FHIT: variants seen among roughly 807,000 people sequenced by gnomAD.
FHIT encodes the protein fragile histidine triad diadenosine triphosphatase, also known as bis(5'-adenosyl)-triphosphatase.
Under a neutral mutation model 17.9 loss-of-function variants are expected in FHIT, and 19 were observed. The ratio of observed to expected loss-of-function variants is 1.06; its 90% confidence interval spans 0.74 to 1.56. The LOEUF is 1.56. Among genes scored for constraint, FHIT ranks in the 40% most tolerant of loss-of-function variants. The pLI, the probability that FHIT is intolerant of heterozygous loss-of-function variation, is 0.00. For synonymous variants in FHIT, 81 were observed against 69.7 expected (o/e 1.16, Z -0.81); for missense variants, 248 against 189.2 (o/e 1.31, Z -1.82).
chr3:60,090,421 T>A (rs1703681045), intron 5 of FHIT, among the ~76,000 whole-genome samples: 1 of 152,190 alleles, frequency 6.6e-6, no homozygotes, highest in Non-Finnish European at 1.5e-5. Flanking sequence ...GCCTGTTTGG[T>A]AGAAAGTCAG....
At chr3:60,603,439 T>A (rs1043086128) in intron 4 of FHIT, among the ~76,000 whole-genome samples, 3 of 152,140 alleles carry the variant, frequency 2.0e-5, no homozygotes, top group Non-Finnish European at 4.4e-5. Context: ...TTTTACTATC[T>A]TCCTATCTGT....
intron 5 of FHIT, among the ~76,000 whole-genome samples, chr3:60,265,758 G>A (rs1706542449): frequency 6.6e-6 from 1 of 151,702 alleles, no homozygotes; most frequent in Non-Finnish European, 1.5e-5. Flanking sequence ...TTTTTTAAAT[G>A]GGTAAAGGTT....
At chr3:61,120,192 T>C (rs2106918801) in intron 2 of FHIT, among the ~76,000 whole-genome samples, 1 of 152,276 alleles carries the variant, frequency 6.6e-6, no homozygotes, top group African/African-American at 2.4e-5. Context: ...ATAGGGTTAA[T>C]AGAGTGGTAA....
intron 7 of FHIT, among the ~76,000 whole-genome samples, chr3:59,967,139 C>A (rs572957828): frequency 6.6e-6 from 1 of 152,094 alleles, no homozygotes; most frequent in Admixed American, 6.6e-5. Context: ...TCTTGTCCCA[C>A]TGAAAGGCCT....
intron 2 of FHIT, among the ~76,000 whole-genome samples, chr3:61,173,898 T>G (rs570331243): frequency 9.2e-5 from 14 of 152,366 alleles, no homozygotes; most frequent in African/African-American, 2.9e-4. Context: ...TCATCCTGTT[T>G]GTTATCACTC....
At chr3:60,072,627 A>G (rs553901882) in intron 5 of FHIT, among the ~76,000 whole-genome samples, 33 of 151,728 alleles carry the variant, frequency 2.2e-4, no homozygotes, top group Non-Finnish European at 3.7e-4. Flanking sequence ...CTGAAACCTA[A>G]AAAAGTCAAG....
At chr3:60,719,549 T>C (rs1235219378) in intron 4 of FHIT, among the ~76,000 whole-genome samples, 1 of 152,142 alleles carries the variant, frequency 6.6e-6, no homozygotes, top group Non-Finnish European at 1.5e-5. Flanking sequence ...TGAAGTTATT[T>C]CTCTTCTCTA....
chr3:60,691,842 T>C (rs1189058527), intron 4 of FHIT, among the ~76,000 whole-genome samples: 1 of 152,206 alleles, frequency 6.6e-6, no homozygotes, highest in African/African-American at 2.4e-5. Context: ...CCTGATGCTG[T>C]TGAGGATGAC....
intron 5 of FHIT, among the ~76,000 whole-genome samples, chr3:60,453,041 A>T (rs1319034017): frequency 6.6e-6 from 1 of 152,234 alleles, no homozygotes; most frequent in South Asian, 2.1e-4. Flanking sequence ...CAAAATGAAC[A>T]CTTCCTTTAG....
intron 6 of FHIT, among the ~76,000 whole-genome samples, chr3:60,012,828 T>C (rs1700193236): frequency 6.6e-6 from 1 of 152,232 alleles, no homozygotes; most frequent in Non-Finnish European, 1.5e-5. Context: ...GAATTAACTT[T>C]CTAGTGAAAA....
intron 3 of FHIT, among the ~76,000 whole-genome samples, chr3:60,914,949 G>A (rs1706926693): frequency 6.6e-6 from 1 of 152,154 alleles, no homozygotes; most frequent in African/African-American, 2.4e-5. Context: ...AAAATGGAAT[G>A]AAAGGTGCTG....
chr3:60,367,889 T>G (rs12489534), intron 5 of FHIT, among the ~76,000 whole-genome samples: 58,184 of 152,024 alleles, frequency 0.38, 11,371 homozygotes, highest in Non-Finnish European at 0.43. Flanking sequence ...GCCTGTTCTT[T>G]AAATCAATAT....
intron 4 of FHIT, among the ~76,000 whole-genome samples, chr3:60,551,055 G>A (rs1420660191): frequency 1.3e-5 from 2 of 152,098 alleles, no homozygotes; most frequent in African/African-American, 4.8e-5. Context: ...GTGACTATAT[G>A]GGGATAAAAT....
chr3:60,124,009 T>TAGAGAGAG lies in FHIT; in HGVS notation c.104-109865_104-109858dup, dbSNP rs1168094593. Among the ~76,000 whole-genome samples, 28 of 12,154 alleles carry TAGAGAGAG rather than the reference T, an allele frequency of 2.3e-3. 1 individual carries two copies. Among genetic ancestry groups the TAGAGAGAG allele is most frequent in the East Asian group, 4.5e-3 (2 of 448 alleles). The allele number at this position is 12,154 out of a possible 152,430, so 8.0% of individuals were successfully genotyped here. ...ATATATATATATATATATATATATA[T>TAGAGAGAG]AGAGAGAGAGAGAGAGAGAGAGAGA... On this transcript the variant is annotated intron_variant, in intron 5 of 9. Coordinates refer to ENST00000492590, the MANE Select transcript of FHIT (RefSeq NM_002012.4).
intron 5 of FHIT, among the ~76,000 whole-genome samples, chr3:60,099,970 T>C (rs187508983): frequency 2.0e-4 from 31 of 152,296 alleles, no homozygotes; most frequent in Non-Finnish European, 2.8e-4. Context: ...GGTTGTGGTG[T>C]GTGTTGAATT....
At chr3:60,610,253 C>T (rs17624325) in intron 4 of FHIT, among the ~76,000 whole-genome samples, 42,614 of 151,954 alleles carry the variant, frequency 0.28, 6,208 homozygotes, top group Non-Finnish European at 0.31. Flanking sequence ...TCCAGATGTA[C>T]CCACCTTCAT....
At chr3:60,650,212 C>A (rs2039959303) in intron 4 of FHIT, among the ~76,000 whole-genome samples, 1 of 152,160 alleles carries the variant, frequency 6.6e-6, no homozygotes, top group Admixed American at 6.5e-5. Flanking sequence ...CTGCTTAAAG[C>A]ACAGAATTGT....
In FHIT at chr3:59,956,757, T is replaced by A. The variant is rs576022625; in HGVS notation, c.280-34343A>T. Among the ~76,000 whole-genome samples the A allele has an allele frequency of 1.4e-4, 21 of 152,300 alleles. No individual in the cohort carries two copies. In the South Asian group the frequency reaches 4.3e-3, roughly 32 times the overall value. On this transcript the variant is annotated intron_variant, in intron 7 of 9. Transcript: ENST00000492590. ...GGATAAGAACAGTAGCCACCTCACA[T>A]AGTGGTGAATATTCAATAAAACAAA...
chr3:61,000,754 G>A (rs942100106), intron 3 of FHIT, among the ~76,000 whole-genome samples: 7 of 152,132 alleles, frequency 4.6e-5, no homozygotes, highest in African/African-American at 1.7e-4. Flanking sequence ...AGAGACGGCT[G>A]CAACCCCAAA....
Sources: allele counts gnomAD v4.1 joint callset (sites outside exome capture counted in the v4.1 genomes callset), GRCh38; gene constraint gnomAD v4.1.1; transcripts MANE v1.5; gene names NCBI Gene and HGNC (gene_info 2026-07-23, HGNC 2026-07-21).